The following LNX1 variants were observed in gnomAD, a reference collection of about 807,000 sequenced individuals.
LNX1 encodes E3 ubiquitin-protein ligase LNX.
LNX1 carries 54 observed loss-of-function variants against 68.4 expected under a neutral mutation model. That is an observed-to-expected ratio of 0.79 (90% confidence interval 0.63 to 0.99). LNX1 has a LOEUF of 0.99. Among genes scored for constraint, LNX1 ranks in the 50% least tolerant of loss-of-function variants. LNX1 has a pLI of 0.00. For missense variants in LNX1, 906 were observed against 926.4 expected (o/e 0.98, Z 0.29); for synonymous variants, 336 against 350.0 (o/e 0.96, Z 0.45).
Position 53,537,713 on chromosome 4 carries a change from T to C in LNX1, c.381-29486A>G, listed in dbSNP as rs73147405. Among the ~76,000 whole-genome samples, 1,208 of 152,318 alleles carry C rather than the reference T, an allele frequency of 7.9e-3. 20 individuals carry two copies. Among genetic ancestry groups the C allele is most frequent in the African/African-American group, 0.028 (1,147 of 41,570 alleles). On this transcript the variant is annotated intron_variant, in intron 2 of 10. Transcript: ENST00000263925. ...ACCTTCTTTGTACCATTTCCCCATC[T>C]GTCATTAGGCTGTGCCCCGAGTTCC...
chr4:53,587,830 G>A (rs1159564767), intron 1 of LNX1, among the ~76,000 whole-genome samples: 1 of 152,128 alleles, frequency 6.6e-6, no homozygotes, highest in African/African-American at 2.4e-5. Context: ...TCACATCACA[G>A]AAGCCCACTC....
At chr4:53,472,029 C>G (rs1336540331) in intron 9 of LNX1, among the ~76,000 whole-genome samples, 1 of 152,172 alleles carries the variant, frequency 6.6e-6, no homozygotes, top group Middle Eastern at 3.2e-3. Flanking sequence ...TATAAAGACA[C>G]ATGCACACTT....
chr4:53,638,877 A>G (rs532437969), intron 1 of LNX1, among the ~76,000 whole-genome samples: 123 of 152,342 alleles, frequency 8.1e-4, no homozygotes, highest in South Asian at 6.2e-3. Context: ...ACACTTATAC[A>G]CTATTGGTGG....
chr4:53,573,556 G>A, intron 2 of LNX1, 67 bp downstream of exon 2: 2 of 1,057,536 alleles, frequency 1.9e-6, no homozygotes, highest in Non-Finnish European at 2.8e-6. Context: ...CAGGAGACTG[G>A]GGGGTGGAGG....
chr4:53,478,749 G>C lies in LNX1; in HGVS notation c.1486-7C>G. The C allele has an allele frequency of 1.2e-6, 2 of 1,608,712 alleles. No individual in the cohort carries two copies. The highest frequency in any genetic ancestry group is 1.7e-6 in the Non-Finnish European group (2 of 1,176,592). On this transcript the variant is annotated splice_polypyrimidine_tract_variant and splice_region_variant and intron_variant, in intron 7 of 10. Coordinates refer to ENST00000263925, the MANE Select transcript of LNX1 (RefSeq NM_001126328.3). Reference sequence around the variant, plus strand: ...TAATTGTAGGATGGAGGGGCTGAAGGCACAGATGGAAAAACATGGCACATG... The same window carrying C: ...TAATTGTAGGATGGAGGGGCTGAAGCCACAGATGGAAAAACATGGCACATG...
rs73818919 is a variant in LNX1 at position 53,524,871 on chromosome 4, G to T, written c.381-16644C>A. 8.2e-3 allele frequency among the ~76,000 whole-genome samples: 1,253 copies of T among 152,252 alleles called. 19 individuals carry two copies. The highest frequency in any genetic ancestry group is 0.028 in the African/African-American group (1,182 of 41,542). ...AAGGAACCCTTTCTTTGCAAAAAAA[G>T]CTCTGTCTGCTTGCCCAAAGGGGTG... On this transcript the variant is annotated intron_variant, in intron 2 of 10. Transcript: ENST00000263925.
At position 53,478,756 on chromosome 4, in the gene LNX1, TG is replaced by T; in HGVS notation, c.1486-15del. The T allele has an allele frequency of 6.2e-7, 1 of 1,606,096 alleles. No homozygotes were observed. The highest frequency in any genetic ancestry group is 8.5e-7 in the Non-Finnish European group (1 of 1,175,056). ...AGGATGGAGGGGCTGAAGGCACAGATGGAAAAACATGGCACATGAATTCACA... is the reference window on the plus strand; with the variant it reads ...AGGATGGAGGGGCTGAAGGCACAGATGAAAAACATGGCACATGAATTCACA... On this transcript the variant is annotated splice_polypyrimidine_tract_variant and intron_variant, in intron 7 of 10. Transcript: ENST00000263925.
chr4:53,488,828 G>GA (rs1290184099), intron 6 of LNX1, among the ~76,000 whole-genome samples: 1 of 151,984 alleles, frequency 6.6e-6, no homozygotes, highest in Non-Finnish European at 1.5e-5. Flanking sequence ...TGATATGCTA[G>GA]AAAAAAATCA....
chr4:53,643,917 C>A (rs1345513588), intron 1 of LNX1, among the ~76,000 whole-genome samples: 1 of 152,158 alleles, frequency 6.6e-6, no homozygotes, highest in African/African-American at 2.4e-5. Context: ...TGGAGCATGA[C>A]CTGACACAAA....
chr4:53,477,529 C>A (rs1171690397), intron 8 of LNX1, among the ~76,000 whole-genome samples: 2 of 152,174 alleles, frequency 1.3e-5, no homozygotes, highest in Admixed American at 1.3e-4. Context: ...GGTTAAGCGC[C>A]TACTATGTGC....
rs1274539150 is a variant in LNX1, at chr4:53,584,388, G to A, written c.-87+7000C>T. ...TTATGAAAACAGAGTTTATCCACAGGAAAAAAAATGTAAAAACACTGCAAG... is the reference window on the plus strand; with the variant it reads ...TTATGAAAACAGAGTTTATCCACAGAAAAAAAAATGTAAAAACACTGCAAG... On this transcript the variant is annotated intron_variant, in intron 1 of 10. Transcript: ENST00000263925. Among the ~76,000 whole-genome samples, 3 of 151,668 alleles carry A rather than the reference G, an allele frequency of 2.0e-5. No individual in the cohort carries two copies. The East Asian group carries it at 5.8e-4, about 29-fold the overall frequency.
At chr4:53,506,102 G>A (rs1355685893) in intron 4 of LNX1, among the ~76,000 whole-genome samples, 1 of 152,190 alleles carries the variant, frequency 6.6e-6, no homozygotes, top group African/African-American at 2.4e-5. Context: ...ACTCCCAAGA[G>A]TAGAGGGCAG....
At chr4:53,576,165 T>C (rs10002285) in intron 1 of LNX1, 101,070 of 1,572,474 alleles carry the variant, frequency 0.064, 3,654 homozygotes, top group African/African-American at 0.096. Flanking sequence ...GGCTGCCCCA[T>C]GTTGCTGACT....
At chr4:53,603,204 T>G (rs1733089881) in intron 2 of LNX1, among the ~76,000 whole-genome samples, 1 of 152,222 alleles carries the variant, frequency 6.6e-6, no homozygotes, top group Non-Finnish European at 1.5e-5. Context: ...CATGGAGGAC[T>G]CCAGGGTGGT....
chr4:53,624,013 A>G (rs1423620085), intron 1 of LNX1, among the ~76,000 whole-genome samples: 3 of 152,134 alleles, frequency 2.0e-5, no homozygotes, highest in African/African-American at 7.2e-5. Context: ...CTGGGTTTTC[A>G]TGTAACCCAA....
At chr4:53,504,307 T>C (rs1725719855) in intron 4 of LNX1, among the ~76,000 whole-genome samples, 1 of 152,276 alleles carries the variant, frequency 6.6e-6, no homozygotes, top group African/African-American at 2.4e-5. Flanking sequence ...TTTTATGTTA[T>C]GGAGATGGCT....
chr4:53,523,185 G>T (rs1270327906), intron 2 of LNX1: 1 of 152,154 alleles, frequency 6.6e-6, no homozygotes, highest in East Asian at 1.9e-4. Context: ...ACCAACCTAG[G>T]CATGGGTTTA....
At chr4:53,507,552 A>T (rs1027888494) in intron 3 of LNX1, 83 bp from the exon 4 acceptor site, 1 of 1,439,058 alleles carries the variant, frequency 6.9e-7, no homozygotes, top group African/African-American at 1.4e-5. Flanking sequence ...GATATACACA[A>T]TAAGACATTA....
At chr4:53,467,114 T>C (rs1722747457) in intron 9 of LNX1, among the ~76,000 whole-genome samples, 1 of 152,038 alleles carries the variant, frequency 6.6e-6, no homozygotes, top group Non-Finnish European at 1.5e-5. Flanking sequence ...GACTGACACC[T>C]CACATGGCTG....
Sources: gnomAD v4.1 joint callset for allele counts (sites outside exome capture counted in the v4.1 genomes callset) on GRCh38, gnomAD v4.1.1 for gene constraint, MANE v1.5 for transcripts, NCBI Gene and HGNC (gene_info 2026-07-23, HGNC 2026-07-21) for gene names.